POGZ: variants seen among roughly 807,000 people sequenced by gnomAD.
The protein encoded by POGZ is pogo transposable element derived with ZNF domain.
POGZ carries 17 observed loss-of-function variants against 134.6 expected under a neutral mutation model. The observed-to-expected ratio is 0.13, with a 90% CI of 0.09 to 0.19. The LOEUF (loss-of-function observed/expected upper bound fraction) is 0.19. POGZ is among the 10% of genes least tolerant of loss of function. The probability of loss-of-function intolerance (pLI) is 1.00; values close to 1 mark genes in which losing one functional copy is unlikely to be tolerated. For synonymous variants in POGZ, 693 were observed against 657.1 expected, an observed-to-expected ratio of 1.05 and a Z score of -0.84; for missense variants, 1,306 against 1,769.7, an observed-to-expected ratio of 0.74 and a Z score of 4.70.
intron 10 of POGZ, among the ~76,000 whole-genome samples, chr1:151,418,536 A>G (rs985414575): frequency 5.3e-5 from 8 of 152,206 alleles, no homozygotes; most frequent in Non-Finnish European, 5.9e-5. Context: ...GGGTGACTAT[A>G]GTTTACAATA....
At chr1:151,407,746 T>C (rs912432107) in intron 15 of POGZ, among the ~76,000 whole-genome samples, 1 of 152,088 alleles carries the variant, frequency 6.6e-6, no homozygotes, top group Admixed American at 6.6e-5. Context: ...CAGTGGCTCA[T>C]GTCTGTAATC....
chr1:151,419,985 C>A (rs558679698), intron 10 of POGZ, among the ~76,000 whole-genome samples: 2 of 152,044 alleles, frequency 1.3e-5, no homozygotes, highest in South Asian at 4.2e-4. Flanking sequence ...AGTTAGGTGC[C>A]CAGACTGGGC....
At chr1:151,449,172 C>T (rs943806762) in intron 1 of POGZ, among the ~76,000 whole-genome samples, 6 of 152,190 alleles carry the variant, frequency 3.9e-5, no homozygotes, top group African/African-American at 1.4e-4. Flanking sequence ...AGGCACCGCC[C>T]AAGCTATACA....
intron 7 of POGZ, chr1:151,426,705 G>A (rs775605358): frequency 6.6e-6 from 1 of 151,736 alleles, no homozygotes; most frequent in Admixed American, 6.6e-5. Context: ...CTTTTCTTGC[G>A]TATGCTTTTG....
At chr1:151,459,043 C>T (rs915660284) in intron 1 of POGZ, 109 bp downstream of exon 1, 2 of 143,162 alleles carry the variant, frequency 1.4e-5, no homozygotes, top group Non-Finnish European at 3.1e-5. Context: ...CGCGTACCGG[C>T]CCCATCCCCC....
chr1:151,405,380 A>C lies in POGZ; in HGVS notation c.3655T>G (p.Cys1219Gly), dbSNP rs762896004. 6.2e-7 allele frequency: 1 copy of C among 1,613,946 alleles called. No homozygotes were observed. Among genetic ancestry groups the C allele is most frequent in the African/African-American group, 1.3e-5 (1 of 74,936 alleles). Reference sequence around the variant, plus strand: ...ACAAGCATGCCTTTGCTGCGCTGGCAAGCTGTGTGCTTCTGCCACACTCGA... The same window carrying C: ...ACAAGCATGCCTTTGCTGCGCTGGCCAGCTGTGTGCTTCTGCCACACTCGA... Reference protein sequence around the residue: ...STRVWQKHTACQRSKGMLVMD... With the variant: ...STRVWQKHTAGQRSKGMLVMD... Residue 1219 changes from cysteine (C) to glycine (G), a missense_variant, in exon 19 of 19, where the codon TGC becomes GGC. Physicochemically the swap from Cys to Gly is radical, Grantham distance 159 (BLOSUM62 -3). Transcript: ENST00000271715. This position sits in a 1 kb window ranked among gnomAD's most constrained non-coding sequence, Gnocchi z 4.9.
At chr1:151,407,322 C>T (rs370865518) in intron 15 of POGZ, 31 bp from the exon 16 acceptor site, 16 of 1,519,540 alleles carry the variant, frequency 1.1e-5, no homozygotes, top group Admixed American at 3.6e-5. Context: ...GTATGAGTTA[C>T]GGAGTTCTGC....
rs1297115512 is a variant in POGZ, at chr1:151,406,931, G to C, written c.2525C>G (p.Ser842Cys). 1 of 1,613,458 alleles carries C rather than the reference G, an allele frequency of 6.2e-7. No homozygotes were observed. Among genetic ancestry groups the C allele is most frequent in the Admixed American group, 1.7e-5 (1 of 60,016 alleles). ...KHLVFNPSHR[S>C]SSILPRGLTW... is the part of the protein sequence containing the mutation. ...CTTACCCCGTGGCAGGATGCTGCTG[G>C]ATCTGTGAGAGGGGTTGAATACCAA... The change falls in exon 17 of 19, where the codon TCC becomes TGC. Residue 842 changes from serine (S) to cysteine (C), a missense_variant. This residue lies in a region of POGZ where 214 missense variants were observed against 255.5 expected (regional missense o/e 0.84). Transcript: ENST00000271715.
At chr1:151,437,166 C>T (rs1659728702) in intron 3 of POGZ, among the ~76,000 whole-genome samples, 1 of 151,600 alleles carries the variant, frequency 6.6e-6, no homozygotes, top group East Asian at 1.9e-4. Flanking sequence ...TGTACTCCAG[C>T]CTGGGCAACA....
intron 10 of POGZ, among the ~76,000 whole-genome samples, chr1:151,416,782 C>A (rs1655798226): frequency 6.6e-6 from 1 of 151,672 alleles, no homozygotes; most frequent in Admixed American, 6.6e-5. Context: ...AGCCACCACA[C>A]CTGGCTAATT....
At chr1:151,458,687 C>A (rs1663087463) in intron 1 of POGZ, among the ~76,000 whole-genome samples, 1 of 145,184 alleles carries the variant, frequency 6.9e-6, no homozygotes, top group Non-Finnish European at 1.5e-5. Flanking sequence ...ACCGCCCGCG[C>A]CCCCGCCCCC....
At chr1:151,439,827 A>G (rs1048501645) in intron 3 of POGZ, among the ~76,000 whole-genome samples, 1 of 152,232 alleles carries the variant, frequency 6.6e-6, no homozygotes, top group African/African-American at 2.4e-5. Flanking sequence ...TTTCAGAAAT[A>G]TATTTGCAGA....
At chr1:151,425,134 A>G (rs76935036) in intron 7 of POGZ, 73 bp from the exon 8 acceptor site, 5 of 770,442 alleles carry the variant, frequency 6.5e-6, no homozygotes, top group African/African-American at 5.2e-5. Flanking sequence ...TTTTGGGAAA[A>G]AGTCAAACAC....
intron 10 of POGZ, among the ~76,000 whole-genome samples, chr1:151,416,345 C>A (rs1655690204): frequency 6.7e-6 from 1 of 149,662 alleles, no homozygotes; most frequent in Admixed American, 6.6e-5. Flanking sequence ...TCACTTGAGG[C>A]TAGGAGTTAG....
chr1:151,453,495 A>G (rs1662394724), intron 1 of POGZ, among the ~76,000 whole-genome samples: 1 of 150,578 alleles, frequency 6.6e-6, no homozygotes. Flanking sequence ...AGACATAGCA[A>G]AATAGTTAAA....
At chr1:151,432,702 T>C (rs1430077970) in intron 3 of POGZ, among the ~76,000 whole-genome samples, 5 of 152,222 alleles carry the variant, frequency 3.3e-5, no homozygotes, top group African/African-American at 1.2e-4. Flanking sequence ...CTAGTTCCCA[T>C]ATCACTTTAA....
chr1:151,447,393 C>T (rs1661426912), intron 1 of POGZ, among the ~76,000 whole-genome samples: 1 of 151,024 alleles, frequency 6.6e-6, no homozygotes, highest in African/African-American at 2.4e-5. Flanking sequence ...AATTGTATTA[C>T]CATTACATGC....
intron 10 of POGZ, among the ~76,000 whole-genome samples, chr1:151,419,542 G>A (rs1656476085): frequency 6.6e-6 from 1 of 151,640 alleles, no homozygotes; most frequent in South Asian, 2.1e-4. Context: ...AGTGGCATGT[G>A]TCTGTAGTAC....
At chr1:151,406,868 T>C (rs1653743871) in intron 17 of POGZ, 43 bp downstream of exon 17, 2 of 1,467,320 alleles carry the variant, frequency 1.4e-6, no homozygotes, top group Admixed American at 1.7e-5. Flanking sequence ...CCTGTATCTT[T>C]TTTCCTCCCC....
Sources: allele counts gnomAD v4.1 joint callset (sites outside exome capture counted in the v4.1 genomes callset), GRCh38; gene constraint gnomAD v4.1.1; regional missense constraint gnomAD v4.1.1; non-coding constraint Gnocchi (gnomAD v3.1); transcripts MANE v1.5; gene names NCBI Gene and HGNC (gene_info 2026-07-23, HGNC 2026-07-21).